The following ZNF827 variants were observed in gnomAD, a reference collection of about 807,000 sequenced individuals.
ZNF827 encodes the protein zinc finger protein 827.
A neutral mutation model predicts 102.4 loss-of-function variants in ZNF827; 13 were observed. That is an observed-to-expected ratio of 0.13 (90% CI 0.08 to 0.20). The LOEUF is 0.20. Among genes scored for constraint, ZNF827 ranks in the 10% least tolerant of loss-of-function variants. ZNF827 has a pLI of 1.00. For synonymous variants in ZNF827, 523 were observed against 536.2 expected (o/e 0.98, Z 0.34); for missense variants, 1,103 against 1,344.4 (o/e 0.82, Z 2.81).
At chr4:145,891,715 A>C (rs1218084424) in intron 3 of ZNF827, among the ~76,000 whole-genome samples, 1 of 152,176 alleles carries the variant, frequency 6.6e-6, no homozygotes, top group Non-Finnish European at 1.5e-5. Flanking sequence ...AGGGCTAAAT[A>C]AAGTTAAAGG....
intron 8 of ZNF827, among the ~76,000 whole-genome samples, chr4:145,788,217 G>A (rs1244593680): frequency 6.6e-6 from 1 of 152,076 alleles, no homozygotes; most frequent in Non-Finnish European, 1.5e-5. Flanking sequence ...TGATTGATTT[G>A]TATCGTAAAG....
At chr4:145,823,703 A>G (rs1312038580) in intron 7 of ZNF827, among the ~76,000 whole-genome samples, 178 bp from the exon 8 acceptor site, 1 of 152,250 alleles carries the variant, frequency 6.6e-6, no homozygotes, top group Non-Finnish European at 1.5e-5. Flanking sequence ...TCATTACATC[A>G]GACAAGTGCC....
chr4:145,797,868 A>T (rs1270687375), intron 8 of ZNF827, among the ~76,000 whole-genome samples: 1 of 152,220 alleles, frequency 6.6e-6, no homozygotes, highest in African/African-American at 2.4e-5. Flanking sequence ...TAGCCAGCCT[A>T]GAAAATATTT....
At chr4:145,813,249 T>C (rs931809737) in intron 8 of ZNF827, among the ~76,000 whole-genome samples, 1 of 152,184 alleles carries the variant, frequency 6.6e-6, no homozygotes, top group Admixed American at 6.5e-5. Context: ...CATCTCATCA[T>C]GTAGACATTT....
chr4:145,783,950 T>A (rs1476742890), intron 8 of ZNF827, among the ~76,000 whole-genome samples: 1 of 152,108 alleles, frequency 6.6e-6, no homozygotes, highest in African/African-American at 2.4e-5. Flanking sequence ...TCGTGAATGG[T>A]TTAGCATGGT....
At chr4:145,773,964 T>G (rs776293145) in intron 11 of ZNF827, among the ~76,000 whole-genome samples, 3 of 152,132 alleles carry the variant, frequency 2.0e-5, no homozygotes, top group Non-Finnish European at 4.4e-5. Flanking sequence ...GAGCAAGCTC[T>G]GGAATGAAAA....
intron 8 of ZNF827, among the ~76,000 whole-genome samples, chr4:145,794,704 GA>G (rs1283355160): frequency 6.7e-6 from 1 of 150,106 alleles, no homozygotes; most frequent in South Asian, 2.1e-4. Context: ...TGTCTCAGAA[GA>G]AAAAAAAATA....
intron 7 of ZNF827, 141 bp downstream of exon 7, chr4:145,845,815 T>C (rs1276460191): frequency 2.6e-6 from 2 of 761,520 alleles, no homozygotes; most frequent in Non-Finnish European, 4.3e-6. Context: ...AACCAAGAAA[T>C]TCTGGTAGAA....
intron 8 of ZNF827, among the ~76,000 whole-genome samples, chr4:145,803,676 T>G (rs1741137373): frequency 6.6e-6 from 1 of 152,214 alleles, no homozygotes; most frequent in African/African-American, 2.4e-5. Context: ...AAAGGATTCC[T>G]TATAAATTGG....
At chr4:145,775,752 G>T (rs1482085494) in intron 10 of ZNF827, 37 bp downstream of exon 10, 10 of 1,611,760 alleles carry the variant, frequency 6.2e-6, no homozygotes, top group African/African-American at 1.3e-5. Context: ...TCAAGAGTCT[G>T]AGAAAGGCGG....
intron 7 of ZNF827, among the ~76,000 whole-genome samples, chr4:145,828,143 C>A (rs901160627): frequency 1.3e-5 from 2 of 152,118 alleles, no homozygotes; most frequent in Non-Finnish European, 2.9e-5. Flanking sequence ...CTGGACTTTA[C>A]GACGTGCCCC....
chr4:145,794,369 A>C (rs2127075324), intron 8 of ZNF827, among the ~76,000 whole-genome samples: 1 of 152,258 alleles, frequency 6.6e-6, no homozygotes, highest in East Asian at 1.9e-4. Flanking sequence ...TACAGGAGAT[A>C]ATGTCAGGTA....
intron 5 of ZNF827, among the ~76,000 whole-genome samples, chr4:145,860,110 G>T (rs533978254): frequency 1.3e-5 from 2 of 152,244 alleles, no homozygotes; most frequent in Admixed American, 1.3e-4. Context: ...CGATATGATG[G>T]CTAAATAAAC....
chr4:145,843,868 A>AAACCACATCCTT (rs1745659707), intron 7 of ZNF827, among the ~76,000 whole-genome samples: 1 of 152,108 alleles, frequency 6.6e-6, no homozygotes, highest in Non-Finnish European at 1.5e-5. Context: ...AAACCAGCTA[A>AAACCACATCCTT]AACCACATCC....
At chr4:145,844,389 C>T (rs1445141259) in intron 7 of ZNF827, among the ~76,000 whole-genome samples, 1 of 151,588 alleles carries the variant, frequency 6.6e-6, no homozygotes, top group Non-Finnish European at 1.5e-5. Flanking sequence ...ACTATATAAA[C>T]CCAGTGTGAG....
intron 6 of ZNF827, among the ~76,000 whole-genome samples, chr4:145,847,716 T>A (rs777276499): frequency 4.6e-4 from 70 of 152,210 alleles, no homozygotes; most frequent in Non-Finnish European, 1.3e-4. Flanking sequence ...CTTCTTTTAA[T>A]ATCTAGAAAA....
chr4:145,797,026 G>T (rs1740454867), intron 8 of ZNF827, among the ~76,000 whole-genome samples: 1 of 152,156 alleles, frequency 6.6e-6, no homozygotes, highest in African/African-American at 2.4e-5. Context: ...TGTACTGGAT[G>T]CGTGTACTGG....
intron 7 of ZNF827, chr4:145,835,273 C>T (rs1160454109): frequency 1.3e-5 from 2 of 152,164 alleles, no homozygotes; most frequent in Admixed American, 6.5e-5. Flanking sequence ...TGCTGAGCTT[C>T]GGGTAACTCT....
At chr4:145,863,553 C>A (rs1160476970) in intron 5 of ZNF827, among the ~76,000 whole-genome samples, 1 of 152,092 alleles carries the variant, frequency 6.6e-6, no homozygotes, top group African/African-American at 2.4e-5. Context: ...ATGAATAAAG[C>A]CATAAAAATG....
Sources: gnomAD v4.1 joint callset for allele counts (sites outside exome capture counted in the v4.1 genomes callset) on GRCh38, gnomAD v4.1.1 for gene constraint, MANE v1.5 for transcripts, NCBI Gene and HGNC (gene_info 2026-07-23, HGNC 2026-07-21) for gene names.